GDPD5: variants seen among roughly 807,000 people sequenced by gnomAD.
GDPD5 encodes the protein glycerophosphodiester phosphodiesterase 2.
Under a neutral mutation model 75.1 loss-of-function variants are expected in GDPD5, and 48 were observed. The ratio of observed to expected loss-of-function variants is 0.64; its 90% confidence interval spans 0.51 to 0.81. The LOEUF (loss-of-function observed/expected upper bound fraction) is 0.81. GDPD5 is among the 40% of genes least tolerant of loss of function. GDPD5 has a pLI of 0.00. For synonymous variants in GDPD5, 336 were observed against 339.0 expected, an observed-to-expected ratio of 0.99 and a Z score of 0.10; for missense variants, 706 against 822.6, an observed-to-expected ratio of 0.86 and a Z score of 1.73.
chr11:75,441,921 AGATG>A (rs755189796), intron 12 of GDPD5, 118 bp from the exon 13 acceptor site: 14 of 1,038,020 alleles, frequency 1.3e-5, no homozygotes, highest in Non-Finnish European at 1.8e-5. Flanking sequence ...GTGAAAGCTT[AGATG>A]AAGTCATTAG....
chr11:75,439,747 C>T (rs913581981), intron 15 of GDPD5, 132 bp downstream of exon 15: 10 of 735,892 alleles, frequency 1.4e-5, no homozygotes, highest in African/African-American at 3.5e-5. Context: ...CCACCGGAGT[C>T]CGTCCTTCTT....
At chr11:75,444,368 C>T (rs752823872) in intron 10 of GDPD5, 45 bp downstream of exon 10, 176 of 1,412,512 alleles carry the variant, frequency 1.2e-4, no homozygotes, top group Middle Eastern at 6.0e-4. Flanking sequence ...GATGCCGAAG[C>T]GTGTGGGAGG....
chr11:75,515,494 C>T (rs1218468077), intron 1 of GDPD5, among the ~76,000 whole-genome samples: 2 of 152,016 alleles, frequency 1.3e-5, no homozygotes, highest in Admixed American at 6.6e-5. Flanking sequence ...GCCTGCCCAG[C>T]CCCACGCTCC....
intron 3 of GDPD5, among the ~76,000 whole-genome samples, chr11:75,472,216 A>T (rs1229329122): frequency 2.0e-5 from 3 of 152,058 alleles, no homozygotes; most frequent in Non-Finnish European, 4.4e-5. Context: ...CTGACCTGAG[A>T]TCACACACTC....
At chr11:75,451,014 G>C (rs1353149988) in intron 6 of GDPD5, 1 of 152,398 alleles carries the variant, frequency 6.6e-6, no homozygotes, top group Non-Finnish European at 1.5e-5. Context: ...TGCTGGCAGG[G>C]CCTTCACCCC....
At chr11:75,519,174 C>T (rs532056084) in intron 1 of GDPD5, among the ~76,000 whole-genome samples, 4 of 152,252 alleles carry the variant, frequency 2.6e-5, no homozygotes, top group Admixed American at 2.6e-4. Flanking sequence ...GTGGAGTCCA[C>T]TGGTCCTGGG....
chr11:75,517,805 A>G, intron 1 of GDPD5, among the ~76,000 whole-genome samples: 1 of 146,458 alleles, frequency 6.8e-6, no homozygotes, highest in Non-Finnish European at 1.5e-5. Flanking sequence ...CCTCCCCTAG[A>G]TTAAAAAAAA....
At chr11:75,447,863 C>T (rs1182963216) in intron 9 of GDPD5, among the ~76,000 whole-genome samples, 1 of 152,140 alleles carries the variant, frequency 6.6e-6, no homozygotes, top group African/African-American at 2.4e-5. Context: ...GACTGGTGAC[C>T]CCTCCAAGAT....
intron 9 of GDPD5, chr11:75,448,593 A>G: frequency 2.0e-6 from 2 of 1,011,166 alleles, no homozygotes; most frequent in Non-Finnish European, 2.4e-6. Flanking sequence ...AGCCGTACTC[A>G]CTGTCACAGT....
chr11:75,453,422 C>A (rs1949214420), intron 6 of GDPD5, among the ~76,000 whole-genome samples: 1 of 152,020 alleles, frequency 6.6e-6, no homozygotes, highest in Non-Finnish European at 1.5e-5. Flanking sequence ...ATCAAGACCA[C>A]CCTAGCTAAC....
chr11:75,462,162 G>C (rs1949427634), intron 4 of GDPD5, among the ~76,000 whole-genome samples: 2 of 152,148 alleles, frequency 1.3e-5, no homozygotes, highest in African/African-American at 4.8e-5. Context: ...TAGATTTCTT[G>C]TATACAAAGG....
chr11:75,515,079 G>A (rs1950609208), intron 1 of GDPD5, among the ~76,000 whole-genome samples: 1 of 152,222 alleles, frequency 6.6e-6, no homozygotes, highest in Admixed American at 6.5e-5. Flanking sequence ...TTCTCAGGAA[G>A]TCTCTGAGGA....
chr11:75,504,299 G>A (rs556731569), intron 1 of GDPD5, among the ~76,000 whole-genome samples: 109 of 152,346 alleles, frequency 7.2e-4, no homozygotes, highest in Non-Finnish European at 8.8e-4. Context: ...CACTGGGCAC[G>A]GTGGCAGGTG....
chr11:75,488,985 T>G (rs1194545518), intron 2 of GDPD5, among the ~76,000 whole-genome samples: 2 of 152,154 alleles, frequency 1.3e-5, no homozygotes, highest in East Asian at 3.9e-4. Context: ...AGGACCTATG[T>G]CCCCTGCACT....
At chr11:75,455,759 C>T (rs767669260) in intron 6 of GDPD5, among the ~76,000 whole-genome samples, 55 of 152,208 alleles carry the variant, frequency 3.6e-4, no homozygotes, top group Admixed American at 2.0e-3. Flanking sequence ...CAGCTCGGTA[C>T]CACTCTGTGC....
intron 1 of GDPD5, among the ~76,000 whole-genome samples, chr11:75,506,265 T>A (rs1261619269): frequency 6.6e-6 from 1 of 151,464 alleles, no homozygotes; most frequent in East Asian, 1.9e-4. Flanking sequence ...CAGAAGACAC[T>A]CCCCCCAGGA....
At chr11:75,497,074 T>C (rs1293315537) in intron 1 of GDPD5, among the ~76,000 whole-genome samples, 1 of 152,098 alleles carries the variant, frequency 6.6e-6, no homozygotes, top group Non-Finnish European at 1.5e-5. Flanking sequence ...TGAGCCACCA[T>C]GTCCGGCTGC....
At position 75,449,884 on chromosome 11, in the gene GDPD5, C is replaced by A; in HGVS notation, c.474+1G>T. The stretch of plus-strand genomic sequence containing the variant: ...GGTCCTGGGGGACCCTCCTCACTCA[C>A]CTGCAGGGAGATCAGCAGCACCTCC... On this transcript the variant is annotated splice_donor_variant, in intron 7 of 16. Coordinates refer to ENST00000336898, the MANE Select transcript of GDPD5 (RefSeq NM_030792.8). LOFTEE classifies it high-confidence loss of function. 1 of 1,613,238 alleles carries A rather than the reference C, an allele frequency of 6.2e-7. No individual in the cohort carries two copies.
Position 75,449,127 on chromosome 11 carries a change from A to C in GDPD5, c.569-5T>G, listed in dbSNP as rs1949062607. The C allele has an allele frequency of 1.3e-6, 2 of 1,575,388 alleles. 1 individual carries two copies. The highest frequency in any genetic ancestry group is 2.3e-5 in the South Asian group (2 of 86,186). ...AGAGAATGGTCACCTGGGAGGCTGCAGATAAGGGGCCGTGAGTGCTGCCTG... is the reference window on the plus strand; with the variant it reads ...AGAGAATGGTCACCTGGGAGGCTGCCGATAAGGGGCCGTGAGTGCTGCCTG... On this transcript the variant is annotated splice_polypyrimidine_tract_variant and splice_region_variant and intron_variant, in intron 8 of 16. Coordinates refer to ENST00000336898, the MANE Select transcript of GDPD5 (RefSeq NM_030792.8).
Sources: allele counts gnomAD v4.1 joint callset (sites outside exome capture counted in the v4.1 genomes callset), GRCh38; gene constraint gnomAD v4.1.1; transcripts MANE v1.5; gene names NCBI Gene and HGNC (gene_info 2026-07-23, HGNC 2026-07-21).